Variants in KNTC1 observed in about 807,000 individuals in gnomAD.
KNTC1 encodes kinetochore associated 1.
Under a neutral mutation model 314.4 loss-of-function variants are expected in KNTC1, and 253 were observed. The observed-to-expected ratio is 0.80, with a 90% confidence interval of 0.73 to 0.89. KNTC1 has a LOEUF of 0.89. Ranked by LOEUF, KNTC1 falls within the 40% of genes least tolerant of loss-of-function variation. KNTC1 has a pLI of 0.00. For synonymous variants in KNTC1, 901 were observed against 901.4 expected (o/e 1.00, Z 0.01); for missense variants, 2,475 against 2,572.9 (o/e 0.96, Z 0.82).
At chr12:122,599,314 G>T (rs1465181693) in intron 44 of KNTC1, among the ~76,000 whole-genome samples, 1 of 151,778 alleles carries the variant, frequency 6.6e-6, no homozygotes, top group Non-Finnish European at 1.5e-5. Context: ...GGAATGTTTG[G>T]TCAGGGGGTA....
At chr12:122,584,014 A>G (rs1360634559) in intron 34 of KNTC1, among the ~76,000 whole-genome samples, 1 of 152,076 alleles carries the variant, frequency 6.6e-6, no homozygotes, top group Non-Finnish European at 1.5e-5. Context: ...AGTCTCAGCT[A>G]CTTGGGAGGC....
intron 55 of KNTC1, among the ~76,000 whole-genome samples, chr12:122,614,388 A>G (rs1055414421): frequency 6.6e-6 from 1 of 152,178 alleles, no homozygotes; most frequent in East Asian, 1.9e-4. Context: ...TTAGTTGCCT[A>G]TGGGATTTAG....
chr12:122,588,669 A>G (rs1338557228), intron 39 of KNTC1, 43 bp from the exon 40 acceptor site: 4 of 1,352,438 alleles, frequency 3.0e-6, no homozygotes, highest in South Asian at 1.6e-5. Context: ...TCAGAATGTT[A>G]TATAGAACTA....
chr12:122,582,643 T>A, intron 33 of KNTC1, 62 bp from the exon 34 acceptor site: 5 of 1,399,808 alleles, frequency 3.6e-6, no homozygotes, highest in South Asian at 1.5e-5. Flanking sequence ...CTAATGAAAA[T>A]GATTATTTTA....
intron 41 of KNTC1, 128 bp downstream of exon 41, chr12:122,590,863 AC>A: frequency 1.1e-6 from 1 of 881,960 alleles, no homozygotes; most frequent in Non-Finnish European, 1.7e-6. Context: ...CGTGATTTCT[AC>A]CAGCTTCTGC....
At chr12:122,601,375 G>A (rs1232909645) in intron 44 of KNTC1, among the ~76,000 whole-genome samples, 161 bp from the exon 45 acceptor site, 1 of 152,138 alleles carries the variant, frequency 6.6e-6, no homozygotes, top group Non-Finnish European at 1.5e-5. Flanking sequence ...GTGAGCCACC[G>A]TGCCCGGCCG....
At chr12:122,564,987 C>A (rs1964217278) in intron 20 of KNTC1, among the ~76,000 whole-genome samples, 1 of 152,146 alleles carries the variant, frequency 6.6e-6, no homozygotes, top group Non-Finnish European at 1.5e-5. Context: ...AAAGGTTATT[C>A]ATCCAAACTT....
In KNTC1 at chr12:122,626,317, C is replaced by A; in HGVS notation, c.*89C>A. 2.3e-6 allele frequency: 2 copies of A among 877,908 alleles called. No individual in the cohort carries two copies. The highest frequency in any genetic ancestry group is 2.6e-5 in the East Asian group (1 of 38,878). 54.4% of individuals were successfully genotyped at this position (877,908 alleles called of 1,614,324 possible). A position where few individuals can be genotyped will look rare whatever the true frequency, so the allele number is the denominator to read the frequency against. On this transcript the variant is annotated 3_prime_UTR_variant, in exon 64 of 64. Coordinates refer to ENST00000333479, the MANE Select transcript of KNTC1 (RefSeq NM_014708.6). ...TATTACAGTTTTTAAATTGTACAAT[C>A]TCTGTATTATAGCTATTTGTCTAAC...
At chr12:122,538,563 TG>T (rs1962035394) in intron 4 of KNTC1, 109 bp downstream of exon 4, 4 of 637,148 alleles carry the variant, frequency 6.3e-6, no homozygotes, top group South Asian at 2.7e-5. Flanking sequence ...ATTAAAGCAA[TG>T]TTTTTTTGAA....
Position 122,622,350 on chromosome 12 carries a change from G to T in KNTC1, c.6370-112G>T, listed in dbSNP as rs1458257782. On this transcript the variant is annotated intron_variant, in intron 61 of 63. Coordinates refer to ENST00000333479, the MANE Select transcript of KNTC1 (RefSeq NM_014708.6). ...TGCAGTGCTAATTGGGCTTCCGATT[G>T]TCAGAAATGTTTTGATATTGAATAA... The T allele has an allele frequency of 2.9e-6, 3 of 1,025,686 alleles. No individual in the cohort carries two copies. In the African/African-American group the frequency reaches 5.0e-5, roughly 17 times the overall value. 63.5% of individuals were successfully genotyped at this position (1,025,686 alleles called of 1,614,324 possible).
chr12:122,534,726 C>A lies in KNTC1; in HGVS notation c.192C>A (p.Asp64Glu). The change falls in exon 3 of 64, where the codon GAC becomes GAA. Residue 64 changes from aspartate (D) to glutamate (E), a missense_variant. Transcript: ENST00000333479. ...GTGATGGGTTTATTATTGTAGCCGA[C>A]CAATCAGTGATATTGCTTGACAGTA... ...SLSDGFIIVA[D>E]QSVILLDSIC... The A allele has an allele frequency of 1.2e-6, 2 of 1,611,196 alleles. No individual in the cohort carries two copies. The highest frequency in any genetic ancestry group is 2.2e-5 in the South Asian group (2 of 90,784).
intron 16 of KNTC1, among the ~76,000 whole-genome samples, chr12:122,552,639 C>T (rs1441660245): frequency 6.6e-6 from 1 of 152,150 alleles, no homozygotes; most frequent in Non-Finnish European, 1.5e-5. Flanking sequence ...TTTGAGATTA[C>T]AGTCCTAAGC....
chr12:122,588,674 G>T, intron 39 of KNTC1, 38 bp from the exon 40 acceptor site: 3 of 1,403,604 alleles, frequency 2.1e-6, no homozygotes, highest in South Asian at 1.5e-5. Flanking sequence ...ATGTTATATA[G>T]AACTAGACCT....
chr12:122,580,240 G>A (rs574011566), intron 32 of KNTC1, among the ~76,000 whole-genome samples: 53 of 152,202 alleles, frequency 3.5e-4, no homozygotes, highest in Admixed American at 3.3e-4. Context: ...TTAGCGTCTC[G>A]CACTCATTGC....
chr12:122,564,780 T>C (rs1170804709), intron 20 of KNTC1, among the ~76,000 whole-genome samples: 1 of 152,224 alleles, frequency 6.6e-6, no homozygotes, highest in Non-Finnish European at 1.5e-5. Flanking sequence ...TGCTCATTTC[T>C]TTAACACAAA....
chr12:122,626,066 T>G, intron 63 of KNTC1, 139 bp from the exon 64 acceptor site: 1 of 673,230 alleles, frequency 1.5e-6, no homozygotes, highest in Non-Finnish European at 2.6e-6. Context: ...AAAATCTGTT[T>G]CTCTCTAATC....
At chr12:122,576,205 A>G (rs952355975) in intron 29 of KNTC1, among the ~76,000 whole-genome samples, 1 of 151,474 alleles carries the variant, frequency 6.6e-6, no homozygotes, top group Non-Finnish European at 1.5e-5. Flanking sequence ...GATTACAGGC[A>G]TGCACTACCA....
Position 122,578,144 on chromosome 12 carries a change from A to T in KNTC1, c.2841+353A>T, listed in dbSNP as rs542023500. 3.3e-5 allele frequency among the ~76,000 whole-genome samples: 5 copies of T among 152,352 alleles called. No individual in the cohort carries two copies. The South Asian group carries it at 8.3e-4, about 25-fold the overall frequency. On this transcript the variant is annotated intron_variant, in intron 31 of 63. Transcript: ENST00000333479. ...GTAATGTCAGCTACAAAACCAATATAAATCTATATAATCTTATAACATTGA... is the reference window on the plus strand; with the variant it reads ...GTAATGTCAGCTACAAAACCAATATTAATCTATATAATCTTATAACATTGA...
chr12:122,596,345 A>T (rs1871051097), intron 43 of KNTC1, among the ~76,000 whole-genome samples: 2 of 151,686 alleles, frequency 1.3e-5, no homozygotes, highest in African/African-American at 4.8e-5. Context: ...GACCTCCCAA[A>T]GTGCTAGGAT....
Sources: gnomAD v4.1 joint callset for allele counts (sites outside exome capture counted in the v4.1 genomes callset) on GRCh38, gnomAD v4.1.1 for gene constraint, MANE v1.5 for transcripts, NCBI Gene and HGNC (gene_info 2026-07-23, HGNC 2026-07-21) for gene names.